UQCC6: variants seen among roughly 807,000 people sequenced by gnomAD.
The protein encoded by UQCC6 is ubiquinol-cytochrome c reductase complex assembly factor 6, also known as protein BRAWNIN.
At chr12:103,956,725 A>T in the UQCC6 span, 1 of 1,551,512 alleles carries the variant, frequency 6.4e-7, no homozygotes, top group Non-Finnish European at 8.7e-7. Flanking sequence ...GGACATGGGC[A>T]CGCCCGCGGG....
chr12:103,954,853 C>G, the UQCC6 span: 1 of 675,676 alleles, frequency 1.5e-6, no homozygotes, highest in Admixed American at 2.2e-5. Context: ...ATTTTATGAA[C>G]AGGAGCAAAA....
chr12:103,960,091 TTTCA>T, the UQCC6 span, among the ~76,000 whole-genome samples: 24 of 152,152 alleles, frequency 1.6e-4, no homozygotes, highest in East Asian at 2.5e-3. Context: ...TTATTTATTC[TTTCA>T]TTCATTCATT....
At chr12:103,954,469 T>TGA in the UQCC6 span, among the ~76,000 whole-genome samples, 3 of 151,380 alleles carry the variant, frequency 2.0e-5, no homozygotes, top group African/African-American at 7.3e-5. Context: ...AGAGAGGGAG[T>TGA]GAGAGAGAGA....
chr12:103,957,104 T>C, the UQCC6 span: 8 of 261,316 alleles, frequency 3.1e-5, no homozygotes, highest in East Asian at 2.0e-4. Context: ...TTCACTCCTC[T>C]CTGCCTCTAT....
the UQCC6 span, among the ~76,000 whole-genome samples, chr12:103,960,238 T>C: frequency 6.6e-6 from 1 of 152,038 alleles, no homozygotes; most frequent in African/African-American, 2.4e-5. Flanking sequence ...GCCTGGCTAA[T>C]TTGTATATTT....
the UQCC6 span, among the ~76,000 whole-genome samples, chr12:103,961,069 A>G: frequency 6.6e-6 from 1 of 152,040 alleles, no homozygotes; most frequent in Non-Finnish European, 1.5e-5. Flanking sequence ...GCCCTTGAAG[A>G]CCTTCCAGGA....
the UQCC6 span, chr12:103,951,504 C>T: frequency 1.5e-6 from 2 of 1,315,286 alleles, no homozygotes; most frequent in South Asian, 1.3e-5. Flanking sequence ...TTATATTATT[C>T]ACAGAATTCT....
the UQCC6 span, chr12:103,957,017 T>C: frequency 2.2e-6 from 1 of 451,274 alleles, no homozygotes; most frequent in Non-Finnish European, 4.1e-6. Context: ...AGGGAGCTCT[T>C]GATCAGCAAG....
the UQCC6 span, chr12:103,956,790 A>T: frequency 7.7e-7 from 1 of 1,306,030 alleles, no homozygotes; most frequent in Non-Finnish European, 1.1e-6. Context: ...GTTCCAGCTC[A>T]CGACTACACC....
chr12:103,957,715 T>C, the UQCC6 span, among the ~76,000 whole-genome samples: 1 of 151,850 alleles, frequency 6.6e-6, no homozygotes, highest in Non-Finnish European at 1.5e-5. Flanking sequence ...TTTTCCATTG[T>C]TTTGATTATT....
At chr12:103,955,069 C>A in the UQCC6 span, 2,393 of 636,808 alleles carry the variant, frequency 3.8e-3, 46 homozygotes, top group African/African-American at 0.038. Context: ...AACCCCAGCA[C>A]TTTGGGAGGC....
the UQCC6 span, among the ~76,000 whole-genome samples, chr12:103,965,345 C>T: frequency 6.6e-6 from 1 of 152,184 alleles, no homozygotes; most frequent in African/African-American, 2.4e-5. Context: ...CGTTAATATT[C>T]TCATATATCC....
chr12:103,965,274 G>A, the UQCC6 span, among the ~76,000 whole-genome samples: 1 of 152,226 alleles, frequency 6.6e-6, no homozygotes, highest in African/African-American at 2.4e-5. Flanking sequence ...TAAAAGAGGG[G>A]TTAGTCTGTA....
At chr12:103,964,893 A>C in the UQCC6 span, among the ~76,000 whole-genome samples, 1 of 152,218 alleles carries the variant, frequency 6.6e-6, no homozygotes, top group Non-Finnish European at 1.5e-5. Context: ...ATATTACAAA[A>C]ATCTTTCTGT....
chr12:103,955,190 G>A, the UQCC6 span, among the ~76,000 whole-genome samples: 2 of 152,158 alleles, frequency 1.3e-5, no homozygotes, highest in Admixed American at 6.5e-5. Context: ...GGTGGTGTAT[G>A]CCTGTAATCC....
At chr12:103,961,750 G>A in the UQCC6 span, among the ~76,000 whole-genome samples, 1 of 150,784 alleles carries the variant, frequency 6.6e-6, no homozygotes, top group African/African-American at 2.4e-5. Flanking sequence ...AGTAAAGATA[G>A]GGTTTCACCA....
At chr12:103,955,722 C>G in the UQCC6 span, 59 of 455,468 alleles carry the variant, frequency 1.3e-4, no homozygotes, top group African/African-American at 9.6e-4. Context: ...AGGCAGAGTC[C>G]AAACAGAAAT....
At chr12:103,956,862 G>A in the UQCC6 span, 4 of 665,482 alleles carry the variant, frequency 6.0e-6, no homozygotes, top group South Asian at 3.6e-5. Context: ...CGGGGGTGCA[G>A]GAGGACCCCT....
chr12:103,954,805 T>C, the UQCC6 span: 1 of 622,212 alleles, frequency 1.6e-6, no homozygotes, highest in South Asian at 1.9e-5. Flanking sequence ...CTCTACATAC[T>C]TGAACTCAAT....
Sources: gnomAD v4.1 joint callset for allele counts (sites outside exome capture counted in the v4.1 genomes callset) on GRCh38, gnomAD v4.1.1 for gene constraint, MANE v1.5 for transcripts, NCBI Gene and HGNC (gene_info 2026-07-23, HGNC 2026-07-21) for gene names.